Variants in NALCN observed in about 807,000 individuals in gnomAD.
The protein encoded by NALCN is sodium leak channel NALCN.
A neutral mutation model predicts 225.3 loss-of-function variants in NALCN; 111 were observed. That is an observed-to-expected ratio of 0.49 (90% CI 0.42 to 0.58). The LOEUF (loss-of-function observed/expected upper bound fraction) is 0.58. Among genes scored for constraint, NALCN ranks in the 20% least tolerant of loss-of-function variants. The pLI, the probability that NALCN is intolerant of heterozygous loss-of-function variation, is 0.00. For synonymous variants in NALCN, 764 were observed against 769.0 expected (o/e 0.99, Z 0.11); for missense variants, 1,378 against 2,202.4 (o/e 0.63, Z 7.49).
chr13:101,057,183 T>C (rs902114120), intron 43 of NALCN: 15 of 152,384 alleles, frequency 9.8e-5, no homozygotes, highest in Admixed American at 7.8e-4. Flanking sequence ...AGCATGAACT[T>C]AGTTATCTAT....
At chr13:101,241,770 G>A (rs1474668139) in intron 11 of NALCN, among the ~76,000 whole-genome samples, 2 of 152,070 alleles carry the variant, frequency 1.3e-5, no homozygotes, top group African/African-American at 4.8e-5. Context: ...TCTGCCAGGG[G>A]TCAAGGTCCA....
chr13:101,257,772 C>A (rs2042288970), intron 11 of NALCN, among the ~76,000 whole-genome samples: 1 of 151,326 alleles, frequency 6.6e-6, no homozygotes. Context: ...ATTAAAAAAA[C>A]AAAGATCTTG....
At chr13:101,235,117 T>A (rs2041504834) in intron 12 of NALCN, among the ~76,000 whole-genome samples, 1 of 151,822 alleles carries the variant, frequency 6.6e-6, no homozygotes, top group South Asian at 2.1e-4. Flanking sequence ...TTTATGCTGT[T>A]TATCGTTTAA....
intron 11 of NALCN, among the ~76,000 whole-genome samples, chr13:101,244,605 A>G (rs2041840400): frequency 6.6e-6 from 1 of 152,250 alleles, no homozygotes; most frequent in Non-Finnish European, 1.5e-5. Context: ...TATTCATGCC[A>G]AAGTGATAAC....
At chr13:101,101,283 T>G (rs960660452) in intron 26 of NALCN, among the ~76,000 whole-genome samples, 58 of 139,574 alleles carry the variant, frequency 4.2e-4, no homozygotes, top group African/African-American at 1.5e-3. Flanking sequence ...TTTTTTTTCT[T>G]TTTTTTTTTT....
chr13:101,218,886 C>T (rs186183311), intron 13 of NALCN, among the ~76,000 whole-genome samples: 1 of 152,160 alleles, frequency 6.6e-6, no homozygotes, highest in Non-Finnish European at 1.5e-5. Context: ...TGTAATTACC[C>T]AGTCTCAGAT....
At chr13:101,332,209 C>T (rs7318529) in intron 7 of NALCN, among the ~76,000 whole-genome samples, 19,608 of 151,548 alleles carry the variant, frequency 0.13, 2,216 homozygotes, top group African/African-American at 0.31. Flanking sequence ...GAAGATAATA[C>T]CTAAAAACCT....
chr13:101,375,133 A>G (rs1031220848), intron 6 of NALCN, among the ~76,000 whole-genome samples: 3 of 151,952 alleles, frequency 2.0e-5, no homozygotes, highest in African/African-American at 7.3e-5. Context: ...TGTTATCTCT[A>G]TTTTGGAGGA....
chr13:101,374,336 C>T (rs1410999638), intron 6 of NALCN, among the ~76,000 whole-genome samples: 5 of 138,218 alleles, frequency 3.6e-5, no homozygotes, highest in Admixed American at 2.4e-4. Context: ...AGTGCAGTGG[C>T]GCGATCTCAG....
At chr13:101,280,755 A>G (rs1288482671) in intron 10 of NALCN, among the ~76,000 whole-genome samples, 1 of 152,156 alleles carries the variant, frequency 6.6e-6, no homozygotes, top group Non-Finnish European at 1.5e-5. Context: ...AATGTAATTC[A>G]CATCCCTATG....
intron 15 of NALCN, among the ~76,000 whole-genome samples, chr13:101,171,266 C>G (rs2038701234): frequency 6.8e-6 from 1 of 146,880 alleles, no homozygotes; most frequent in South Asian, 2.1e-4. Flanking sequence ...TAATTTATGT[C>G]ATGTATTACA....
At chr13:101,293,179 T>C (rs2043613417) in intron 7 of NALCN, among the ~76,000 whole-genome samples, 2 of 152,184 alleles carry the variant, frequency 1.3e-5, no homozygotes, top group South Asian at 4.1e-4. Context: ...ACTCAGTCAT[T>C]CTGGTACAAA....
At chr13:101,304,227 T>A (rs1869184643) in intron 7 of NALCN, among the ~76,000 whole-genome samples, 1 of 152,194 alleles carries the variant, frequency 6.6e-6, no homozygotes, top group South Asian at 2.1e-4. Flanking sequence ...TTATTTCAGA[T>A]GTAAAGACTT....
At chr13:101,216,586 G>C (rs1351789171) in intron 13 of NALCN, among the ~76,000 whole-genome samples, 1 of 151,994 alleles carries the variant, frequency 6.6e-6, no homozygotes, top group Non-Finnish European at 1.5e-5. Context: ...AAAAATTAAA[G>C]ATTTCAGCAA....
intron 7 of NALCN, among the ~76,000 whole-genome samples, chr13:101,342,314 G>T (rs913439452): frequency 2.6e-5 from 4 of 152,124 alleles, no homozygotes; most frequent in African/African-American, 7.2e-5. Context: ...GTTTTAAAAG[G>T]TTCCCCAGGT....
chr13:101,078,925 A>T (rs1294528514), intron 34 of NALCN, among the ~76,000 whole-genome samples: 4 of 152,180 alleles, frequency 2.6e-5, no homozygotes, highest in African/African-American at 9.6e-5. Context: ...TAAGGGAGGC[A>T]GTTTCCCCCA....
chr13:101,241,798 T>C (rs2041768856), intron 11 of NALCN, among the ~76,000 whole-genome samples: 3 of 40,672 alleles, frequency 7.4e-5, no homozygotes, highest in African/African-American at 8.2e-5. Context: ...GATCCCATCC[T>C]TTCCCTCTGA....
chr13:101,067,191 G>T (rs9582445), intron 39 of NALCN, among the ~76,000 whole-genome samples: 8,047 of 148,324 alleles, frequency 0.054, 250 homozygotes, highest in South Asian at 0.1. Context: ...TGGAGAAGGA[G>T]GAGGTGGGGG....
chr13:101,137,023 T>C (rs1288314773), intron 17 of NALCN, among the ~76,000 whole-genome samples: 1 of 152,256 alleles, frequency 6.6e-6, no homozygotes. Flanking sequence ...TATCTCATTG[T>C]GGCTTTGATT....
Sources: gnomAD v4.1 joint callset for allele counts (sites outside exome capture counted in the v4.1 genomes callset) on GRCh38, gnomAD v4.1.1 for gene constraint, MANE v1.5 for transcripts, NCBI Gene and HGNC (gene_info 2026-07-23, HGNC 2026-07-21) for gene names.